Variants in TTN observed in about 807,000 individuals in gnomAD.
TTN encodes connectin.
TTN carries 1,525 observed loss-of-function variants against 3,223.0 expected under a neutral mutation model. The observed-to-expected ratio is 0.47, with a 90% CI of 0.45 to 0.49. TTN has a LOEUF of 0.49. Among genes scored for constraint, TTN ranks in the 20% least tolerant of loss-of-function variants. The pLI is 0.00. For synonymous variants in TTN, 14,094 were observed against 15,161.0 expected, an observed-to-expected ratio of 0.93 and a Z score of 5.17; for missense variants, 40,786 against 43,424.0, an observed-to-expected ratio of 0.94 and a Z score of 5.40.
In TTN at chr2:178,768,064, G is replaced by A. The variant is rs1274225191; in HGVS notation, c.9255C>T (p.Asp3085=). ...CATCTTTCATCCACTGTACAGTGAT[G>A]TCAGGTTCAGAAACTTCACATTCAA... ...AMFECEVSEP[D]ITVQWMKDDQ... is the part of the protein sequence containing the mutation. The change falls in exon 39 of 363, where the codon GAC becomes GAT. Residue 3085 remains aspartate, a synonymous_variant. Coordinates refer to ENST00000589042, the MANE Select transcript of TTN (RefSeq NM_001267550.2). 2 of 1,614,008 alleles carry A rather than the reference G, an allele frequency of 1.2e-6. No individual in the cohort carries two copies. The highest frequency in any genetic ancestry group is 2.2e-5 in the East Asian group (1 of 44,870).
In TTN at chr2:178,527,499, T is replaced by C. The variant is rs750430860; in HGVS notation, c.107627A>G (p.Asn35876Ser). 1 of 1,614,040 alleles carries C rather than the reference T, an allele frequency of 6.2e-7. No individual in the cohort carries two copies. The highest frequency in any genetic ancestry group is 1.7e-5 in the Admixed American group (1 of 60,034). The change falls in exon 362 of 363, where the codon AAT becomes AGT. Residue 35876 changes from asparagine to serine, a missense_variant. Coordinates refer to ENST00000589042, the MANE Select transcript of TTN (RefSeq NM_001267550.2). ...AGTTGAGCTTTCCAGTTGTGTCATA[T>C]TAGATATTCCCATAAAGCTGCTGGA... ...MSSSSFMGIS[N>S]MTQLESSTSK... is the part of the protein sequence containing the mutation.
intron 111 of TTN, among the ~76,000 whole-genome samples, chr2:178,699,202 TATC>T (rs1293242128): frequency 6.6e-6 from 1 of 151,788 alleles, no homozygotes; most frequent in Non-Finnish European, 1.5e-5. Context: ...ATCTAAGTGA[TATC>T]ATAAATAGTA....
At chr2:178,650,390 C>T in intron 209 of TTN, 119 bp from the exon 210 acceptor site, 1 of 998,886 alleles carries the variant, frequency 1.0e-6, no homozygotes, top group Middle Eastern at 3.3e-4. Flanking sequence ...GATACCTTCT[C>T]TTATTTTTGT....
intron 180 of TTN, 66 bp downstream of exon 180, chr2:178,661,689 TATAA>T: frequency 1.0e-6 from 1 of 976,044 alleles, no homozygotes; most frequent in African/African-American, 2.1e-5. Flanking sequence ...TATATATATA[TATAA>T]AAAGAAAAAT....
At chr2:178,783,857 C>A in intron 16 of TTN, 72 bp from the exon 17 acceptor site, 1 of 1,218,028 alleles carries the variant, frequency 8.2e-7, no homozygotes, top group South Asian at 1.5e-5. Context: ...TTAGCTCATG[C>A]AACATTATAT....
chr2:178,732,066 C>G lies in TTN; in HGVS notation c.16903G>C (p.Glu5635Gln). ...DHCSSIVIVK[E>Q]SPYFTKEFKP... The stretch of plus-strand genomic sequence containing the variant: ...CACAAGAGGCAAAGTGAACACAAAC[C>G]TTTGACTATTACAATGCTACTGCAG... Residue 5635 changes from glutamate to glutamine, a missense_variant and splice_region_variant, in exon 57 of 363, where the codon GAG becomes CAG. Transcript: ENST00000589042. 6.2e-7 allele frequency: 1 copy of G among 1,600,182 alleles called. No individual in the cohort carries two copies. Among genetic ancestry groups the G allele is most frequent in the South Asian group, 1.1e-5 (1 of 89,054 alleles).
rs1287619458 is a variant in TTN at position 178,663,882 on chromosome 2, C to G, written c.36385G>C (p.Val12129Leu). Reference sequence around the variant, plus strand: ...AAGGGCACTTTCTCTTCGCGGATAACCTCTTTGGAAGCTTCTGGCACTTGA... The same window carrying G: ...AAGGGCACTTTCTCTTCGCGGATAAGCTCTTTGGAAGCTTCTGGCACTTGA... The part of the protein sequence containing the change: ...PVKVPEASKE[V>L]IREEKVPLAP... The change falls in exon 170 of 363, where the codon GTT (valine) becomes CTT (leucine). Residue 12129 changes from valine (V) to leucine (L), a missense_variant. By Grantham distance (32) the Val-to-Leu change is conservative. Coordinates refer to ENST00000589042, the MANE Select transcript of TTN (RefSeq NM_001267550.2). 3.7e-6 allele frequency: 6 copies of G among 1,612,730 alleles called. No individual in the cohort carries two copies. The highest frequency in any genetic ancestry group is 5.1e-6 in the Non-Finnish European group (6 of 1,179,652).
chr2:178,719,716 C>G lies in TTN; in HGVS notation c.23776G>C (p.Gly7926Arg). Residue 7926 changes from glycine to arginine, a missense_variant, in exon 82 of 363, where the codon GGA becomes CGA. Transcript: ENST00000589042. The stretch of plus-strand genomic sequence containing the variant: ...TTGCTGTCTGCAGACAATTCTCTTC[C>G]ATCTTTGAACCACTTGGCTGAGAGT... ...PELSAKWFKD[G>R]RELSADSKHH... 6.2e-7 allele frequency: 1 copy of G among 1,613,702 alleles called. No individual in the cohort carries two copies. Among genetic ancestry groups the G allele is most frequent in the Non-Finnish European group, 8.5e-7 (1 of 1,179,696 alleles).
chr2:178,555,195 A>T, intron 330 of TTN, 43 bp from the exon 331 acceptor site: 3 of 1,564,018 alleles, frequency 1.9e-6, no homozygotes, highest in Non-Finnish European at 2.6e-6. Context: ...TATTATAAGG[A>T]TGGAAAAAAA....
At position 178,710,748 on chromosome 2, in the gene TTN, T is replaced by G. The variant is rs2076533329; in HGVS notation, c.28349A>C (p.Asn9450Thr). The G allele has an allele frequency of 6.2e-7, 1 of 1,613,790 alleles. No individual in the cohort carries two copies. The highest frequency in any genetic ancestry group is 1.7e-5 in the Admixed American group (1 of 59,996). The change falls in exon 98 of 363, where the codon AAC becomes ACC. Residue 9450 changes from asparagine to threonine, a missense_variant. Asn to Thr is a moderately conservative substitution (Grantham distance 65). Transcript: ENST00000589042. ...TTTGAGGACTGTCAGGTGGGCGCTGTTTTCCAGATAACTAATCTGGTACTT... is the reference window on the plus strand; with the variant it reads ...TTTGAGGACTGTCAGGTGGGCGCTGGTTTCCAGATAACTAATCTGGTACTT... Reference protein sequence around the residue: ...GGKYQISYLENSAHLTVLKVD... With the variant: ...GGKYQISYLETSAHLTVLKVD...
In TTN at chr2:178,565,103, A is replaced by G. The variant is rs369235214; in HGVS notation, c.81029T>C (p.Val27010Ala). The G allele has an allele frequency of 2.1e-5, 34 of 1,613,430 alleles. No individual in the cohort carries two copies. Among genetic ancestry groups the G allele is most frequent in the Non-Finnish European group, 2.6e-5 (31 of 1,179,650 alleles). Residue 27010 changes from valine to alanine, a missense_variant, in exon 326 of 363, where the codon GTA (valine) becomes GCA (alanine). Coordinates refer to ENST00000589042, the MANE Select transcript of TTN (RefSeq NM_001267550.2). Reference sequence around the variant, plus strand: ...GGTGGTGGTTGTATCTCGCTTCTCTACAATGTAGTTGCTTATTTGGCAGCC... The same window carrying G: ...GGTGGTGGTTGTATCTCGCTTCTCTGCAATGTAGTTGCTTATTTGGCAGCC... ...TGGCQISNYIVEKRDTTTTTW... is the reference protein window; with the variant it reads ...TGGCQISNYIAEKRDTTTTTW...
chr2:178,686,273 A>G (rs897068741), intron 127 of TTN, among the ~76,000 whole-genome samples: 27 of 149,222 alleles, frequency 1.8e-4, no homozygotes, highest in Non-Finnish European at 3.4e-4. Flanking sequence ...GGCGCCCGCC[A>G]CTACGCCCGG....
Position 178,777,423 on chromosome 2 carries a change from C to T in TTN, c.4642G>A (p.Glu1548Lys), listed in dbSNP as rs765316175. Reference sequence around the variant, plus strand: ...TTTTTATTTTATCTCATTTTACCTTCCACAGTTAAAATCACTGAAATTGAA... The same window carrying T: ...TTTTTATTTTATCTCATTTTACCTTTCACAGTTAAAATCACTGAAATTGAA... ...RSSISVILTV[E>K]AVEHQVKPMF... is the part of the protein sequence containing the mutation. Residue 1548 changes from glutamate (E) to lysine (K), a missense_variant, in exon 26 of 363, where the codon GAA becomes AAA. Glu to Lys is a moderately conservative substitution (Grantham distance 56, BLOSUM62 1). Transcript: ENST00000589042. The T allele has an allele frequency of 6.2e-7, 1 of 1,613,496 alleles. No individual in the cohort carries two copies. Among genetic ancestry groups the T allele is most frequent in the Non-Finnish European group, 8.5e-7 (1 of 1,179,754 alleles).
At position 178,734,472 on chromosome 2, in the gene TTN, T is replaced by G. The variant is rs747924639; in HGVS notation, c.15352A>C (p.Ser5118Arg). 6.2e-6 allele frequency: 10 copies of G among 1,613,820 alleles called. No homozygotes were observed. The highest frequency in any genetic ancestry group is 1.7e-4 in the Middle Eastern group (1 of 6,060). ...TGAGAAAACAATCTGTATTTTTTAC[T>G]ACTTCGAATTTGTTTCTTGTCTTTG... ...WFKDKKQIRS[S>R]KKYRLFSQKS... is the part of the protein sequence containing the mutation. Residue 5118 changes from serine (S) to arginine (R), a missense_variant, in exon 52 of 363, where the codon AGT becomes CGT. Transcript: ENST00000589042.
chr2:178,775,040 G>C lies in TTN; in HGVS notation c.6671C>G (p.Ser2224Cys). The C allele has an allele frequency of 6.2e-7, 1 of 1,614,008 alleles. No homozygotes were observed. Among genetic ancestry groups the C allele is most frequent in the African/African-American group, 1.3e-5 (1 of 75,032 alleles). ...GGAGAGGAAGTGAACCTTTCTGTCAGAGTGCATCCTGTATTTATCTCCCTC... is the reference window on the plus strand; with the variant it reads ...GGAGAGGAAGTGAACCTTTCTGTCACAGTGCATCCTGTATTTATCTCCCTC... The part of the protein sequence containing the change: ...VHEGDKYRMH[S>C]DRKVHFLSIL... Residue 2224 changes from serine (S) to cysteine (C), a missense_variant, in exon 29 of 363, where the codon TCT becomes TGT. Physicochemically the swap from Ser to Cys is moderately radical, Grantham distance 112. Transcript: ENST00000589042.
rs1468904652 is a variant in TTN, at chr2:178,534,948, A to G, written c.101667T>C (p.Val33889=). The G allele has an allele frequency of 1.2e-6, 2 of 1,612,674 alleles. No homozygotes were observed. The highest frequency in any genetic ancestry group is 1.7e-6 in the Non-Finnish European group (2 of 1,179,706). The stretch of plus-strand genomic sequence containing the variant: ...GTCCTGATATAAACTCAAAGATCAT[A>G]ACTAATTCTTCCATGCTTTCAAATG... ...HESFESMEEL[V]MIFEFISGLD... is the part of the protein sequence containing the mutation. The change falls in exon 358 of 363, where the codon GTT becomes GTC. Residue 33889 remains valine, a synonymous_variant. Transcript: ENST00000589042.
At position 178,782,426 on chromosome 2, in the gene TTN, A is replaced by G; in HGVS notation, c.3166T>C (p.Phe1056Leu). ...TEKFTTEEKR[F>L]VESRDVVMTD... is the part of the protein sequence containing the mutation. The stretch of plus-strand genomic sequence containing the variant: ...ATAACCACATCTCTTGACTCAACAA[A>G]GCTGGAAAGAGAATTCCCCTCATAT... Residue 1056 changes from phenylalanine (F) to leucine (L), a missense_variant and splice_region_variant, in exon 20 of 363, where the codon TTT becomes CTT. Physicochemically the swap from Phe to Leu is conservative, Grantham distance 22. Coordinates refer to ENST00000589042, the MANE Select transcript of TTN (RefSeq NM_001267550.2). 1 of 1,614,076 alleles carries G rather than the reference A, an allele frequency of 6.2e-7. No homozygotes were observed. Among genetic ancestry groups the G allele is most frequent in the Non-Finnish European group, 8.5e-7 (1 of 1,179,986 alleles).
intron 127 of TTN, among the ~76,000 whole-genome samples, chr2:178,685,973 G>A (rs1019542532): frequency 1.3e-5 from 2 of 152,092 alleles, no homozygotes; most frequent in African/African-American, 2.4e-5. Context: ...GAAGGCCACA[G>A]GGCAGAAACA....
At chr2:178,646,268 TAAC>T (rs1169065478) in intron 216 of TTN, among the ~76,000 whole-genome samples, 3 of 149,868 alleles carry the variant, frequency 2.0e-5, no homozygotes, top group Admixed American at 6.7e-5. Context: ...AAGGCACCAA[TAAC>T]AACAACAAAC....
Sources: gnomAD v4.1 joint callset for allele counts (sites outside exome capture counted in the v4.1 genomes callset) on GRCh38, gnomAD v4.1.1 for gene constraint, MANE v1.5 for transcripts, NCBI Gene and HGNC (gene_info 2026-07-23, HGNC 2026-07-21) for gene names.